Variants in TSPYL5 observed in about 807,000 individuals in gnomAD.
TSPYL5 encodes testis-specific Y-encoded-like protein 5.
For missense variants in TSPYL5, 556 were observed against 555.5 expected, an observed-to-expected ratio of 1.00 and a Z score of -0.01; for synonymous variants, 276 against 236.1, an observed-to-expected ratio of 1.17 and a Z score of -1.55.
At position 97,276,403 on chromosome 8, in the gene TSPYL5, T is replaced by C; in HGVS notation, c.*188A>G. On this transcript the variant is annotated 3_prime_UTR_variant, in exon 1 of 1. Transcript: ENST00000322128. ...AGTCCGGGTGCGATCACATAACATG[T>C]GACACTAACGTAGAAAAGCAAGAGG... 2 of 729,168 alleles carry C rather than the reference T, an allele frequency of 2.7e-6. No homozygotes were observed. The highest frequency in any genetic ancestry group is 2.3e-6 in the Non-Finnish European group (1 of 434,278). The allele number at this position is 729,168 out of a possible 1,614,324, so 45.2% of individuals were successfully genotyped here. A position where few individuals can be genotyped will look rare whatever the true frequency, so the allele number is the denominator to read the frequency against.
In TSPYL5 at chr8:97,277,715, G is replaced by C. The variant is rs758303862; in HGVS notation, c.130C>G (p.Leu44Val). Residue 44 changes from leucine (L) to valine (V), a missense_variant, in exon 1 of 1, where the codon CTC becomes GTC. Coordinates refer to ENST00000322128, the MANE Select transcript of TSPYL5 (RefSeq NM_033512.3). The surrounding 1 kb of genome is among the most constrained non-coding windows in gnomAD (Gnocchi z 4.5). ...RDPDPSQYQS[L>V]GEDTQAAQVQ... ...TGTGCCGCCTGGGTGTCTTCCCCGA[G>C]ACTCTGGTACTGTGAAGGGTCCGGG... is the stretch of plus-strand genomic sequence containing the variant. 1 of 1,562,098 alleles carries C rather than the reference G, an allele frequency of 6.4e-7. No homozygotes were observed. The highest frequency in any genetic ancestry group is 8.6e-7 in the Non-Finnish European group (1 of 1,157,862).
In TSPYL5 at chr8:97,277,851, G is replaced by A. The variant is rs777625111; in HGVS notation, c.-7C>T. ...CCCGACTTCGGCCGCTCATGGTGGC[G>A]GCGGAGGCAGCTTCAAAGACACGCT... On this transcript the variant is annotated 5_prime_UTR_variant, in exon 1 of 1. Transcript: ENST00000322128. The surrounding 1 kb of genome is among the most constrained non-coding windows in gnomAD (Gnocchi z 4.5). 4.9e-6 allele frequency: 7 copies of A among 1,431,014 alleles called. No individual in the cohort carries two copies. Among genetic ancestry groups the A allele is most frequent in the African/African-American group, 4.4e-5 (3 of 67,432 alleles). 88.6% of individuals were successfully genotyped at this position (1,431,014 alleles called of 1,614,324 possible).
Position 97,277,437 on chromosome 8 carries a change from G to A in TSPYL5, c.408C>T (p.Pro136=), listed in dbSNP as rs1271714550. The A allele has an allele frequency of 2.6e-6, 4 of 1,546,798 alleles. No individual in the cohort carries two copies. The highest frequency in any genetic ancestry group is 1.8e-4 in the Middle Eastern group (1 of 5,682). Residue 136 remains proline, a synonymous_variant, in exon 1 of 1, where the codon CCC becomes CCT. Coordinates refer to ENST00000322128, the MANE Select transcript of TSPYL5 (RefSeq NM_033512.3). This position sits in a 1 kb window ranked among gnomAD's most constrained non-coding sequence, Gnocchi z 4.5. Reference sequence around the variant, plus strand: ...CAGGGCCACGCCGGTTTCCAACGCGGGGGGCATTTTTCGGCCTTCCCACGG... The same window carrying A: ...CAGGGCCACGCCGGTTTCCAACGCGAGGGGCATTTTTCGGCCTTCCCACGG... The part of the protein sequence containing the change: ...AGTVGRPKNA[P]RVGNRRGPAG...
chr8:97,275,094 C>T lies in TSPYL5; in HGVS notation c.*1497G>A, dbSNP rs925002299. On this transcript the variant is annotated 3_prime_UTR_variant, in exon 1 of 1. Coordinates refer to ENST00000322128, the MANE Select transcript of TSPYL5 (RefSeq NM_033512.3). ...AACAAAGTCAAAACAAGAGTAAACACTAGTCTATGACATGGCTGCCTTGGG... is the reference window on the plus strand; with the variant it reads ...AACAAAGTCAAAACAAGAGTAAACATTAGTCTATGACATGGCTGCCTTGGG... 2.2e-4 allele frequency: 33 copies of T among 152,268 alleles called. No homozygotes were observed. The highest frequency in any genetic ancestry group is 7.0e-4 in the African/African-American group (29 of 41,394). 9.4% of individuals were successfully genotyped at this position (152,268 alleles called of 1,614,324 possible).
Position 97,274,960 on chromosome 8 carries a change from G to C in TSPYL5, c.*1631C>G, listed in dbSNP as rs972171672. 3.3e-5 allele frequency: 5 copies of C among 152,676 alleles called. No homozygotes were observed. Among genetic ancestry groups the C allele is most frequent in the African/African-American group, 1.2e-4 (5 of 41,444 alleles). 9.5% of individuals were successfully genotyped at this position (152,676 alleles called of 1,614,324 possible). The stretch of plus-strand genomic sequence containing the variant: ...GGGCTATTTGAGGTAGAAGCAAAGA[G>C]AGCAAAGGACTGCTGAAAGTGGGAA... On this transcript the variant is annotated 3_prime_UTR_variant, in exon 1 of 1. Transcript: ENST00000322128.
In TSPYL5 at chr8:97,277,371, C is replaced by G. The variant is rs1181807601; in HGVS notation, c.474G>C (p.Arg158Ser). ...TCCCACCAGCTATGACCTGAGGCCCCCTCCCCGCGGTGCTACAGGTTTCTG... is the reference window on the plus strand; with the variant it reads ...TCCCACCAGCTATGACCTGAGGCCCGCTCCCCGCGGTGCTACAGGTTTCTG... ...KAPETCSTAG[R>S]GPQVIAGGRQ... The change falls in exon 1 of 1, where the codon AGG becomes AGC. Residue 158 changes from arginine to serine, a missense_variant. Physicochemically the swap from Arg to Ser is moderately radical, Grantham distance 110 (BLOSUM62 -1). Coordinates refer to ENST00000322128, the MANE Select transcript of TSPYL5 (RefSeq NM_033512.3). This position sits in a 1 kb window ranked among gnomAD's most constrained non-coding sequence, Gnocchi z 4.5. The G allele has an allele frequency of 1.2e-6, 2 of 1,601,898 alleles. No homozygotes were observed. The highest frequency in any genetic ancestry group is 1.1e-5 in the South Asian group (1 of 89,144).
Position 97,277,532 on chromosome 8 carries a change from C to A in TSPYL5, c.313G>T (p.Gly105Cys). 1 of 1,495,744 alleles carries A rather than the reference C, an allele frequency of 6.7e-7. No homozygotes were observed. The highest frequency in any genetic ancestry group is 8.9e-7 in the Non-Finnish European group (1 of 1,127,272). 92.7% of individuals were successfully genotyped at this position (1,495,744 alleles called of 1,614,324 possible). The stretch of plus-strand genomic sequence containing the variant: ...GAGAGAGATGCGGCCTTCCCCGGGC[C>A]GGGCCTGGCCGCGGCCTGCCCGTGG... ...GDHGQAAARP[G>C]PGKAASLSER... Residue 105 changes from glycine to cysteine, a missense_variant, in exon 1 of 1, where the codon GGC (glycine) becomes TGC (cysteine). Coordinates refer to ENST00000322128, the MANE Select transcript of TSPYL5 (RefSeq NM_033512.3). This position sits in a 1 kb window ranked among gnomAD's most constrained non-coding sequence, Gnocchi z 4.5.
In TSPYL5 at chr8:97,274,549, A is replaced by G. The variant is rs1178143698; in HGVS notation, c.*2042T>C. On this transcript the variant is annotated 3_prime_UTR_variant, in exon 1 of 1. Coordinates refer to ENST00000322128, the MANE Select transcript of TSPYL5 (RefSeq NM_033512.3). Reference sequence around the variant, plus strand: ...GCTAGGGAGGTCCCTCCCATACTCTATCACTGAGAGACAGGCATGCTCCCC... The same window carrying G: ...GCTAGGGAGGTCCCTCCCATACTCTGTCACTGAGAGACAGGCATGCTCCCC... The G allele has an allele frequency of 6.6e-6, 1 of 152,028 alleles. No individual in the cohort carries two copies. Among genetic ancestry groups the G allele is most frequent in the Non-Finnish European group, 1.5e-5 (1 of 68,020 alleles). 9.4% of individuals were successfully genotyped at this position (152,028 alleles called of 1,614,324 possible).
rs754529364 is a variant in TSPYL5 at position 97,277,225 on chromosome 8, T to G, written c.620A>C (p.Asn207Thr). ...CATGTTCTCCAGCTTCAGCTGCACG[T>G]TCTCCAGCGTATCCATGCTGCCTTC... ...ATEGSMDTLE[N>T]VQLKLENMNA... Residue 207 changes from asparagine (N) to threonine (T), a missense_variant, in exon 1 of 1, where the codon AAC (asparagine) becomes ACC (threonine). Transcript: ENST00000322128. This position sits in a 1 kb window ranked among gnomAD's most constrained non-coding sequence, Gnocchi z 4.5. 8.7e-6 allele frequency: 14 copies of G among 1,613,566 alleles called. No individual in the cohort carries two copies. Among genetic ancestry groups the G allele is most frequent in the Non-Finnish European group, 1.2e-5 (14 of 1,180,022 alleles).
chr8:97,277,014 T>C lies in TSPYL5; in HGVS notation c.831A>G (p.Leu277=), dbSNP rs1307032785. The change falls in exon 1 of 1, where the codon TTA becomes TTG. Residue 277 remains leucine, a synonymous_variant. Coordinates refer to ENST00000322128, the MANE Select transcript of TSPYL5 (RefSeq NM_033512.3). The surrounding 1 kb of genome is among the most constrained non-coding windows in gnomAD (Gnocchi z 4.5). ...CGAGCTCTTCCACTTCCAAGCTGTTTAAGTAGCTCAGTACCTCTTTCTCTT... is the reference window on the plus strand; with the variant it reads ...CGAGCTCTTCCACTTCCAAGCTGTTCAAGTAGCTCAGTACCTCTTTCTCTT... ...NSQEKEVLSY[L]NSLEVEELGL... The C allele has an allele frequency of 6.2e-7, 1 of 1,614,224 alleles. No homozygotes were observed. Among genetic ancestry groups the C allele is most frequent in the Non-Finnish European group, 8.5e-7 (1 of 1,180,038 alleles).
Position 97,274,008 on chromosome 8 carries a change from T to A in TSPYL5, c.*2583A>T, listed in dbSNP as rs1810470977. The A allele has an allele frequency of 6.6e-6, 1 of 152,154 alleles. No individual in the cohort carries two copies. The highest frequency in any genetic ancestry group is 2.1e-4 in the South Asian group (1 of 4,830). 9.4% of individuals were successfully genotyped at this position (152,154 alleles called of 1,614,324 possible). A position where few individuals can be genotyped will look rare whatever the true frequency, so the allele number is the denominator to read the frequency against. On this transcript the variant is annotated 3_prime_UTR_variant, in exon 1 of 1. Transcript: ENST00000322128. ...ATAGTGCACCCCATCACTATCACCA[T>A]CAAAAGAGACTACCAATCTCCCAAA...
chr8:97,276,298 G>T lies in TSPYL5; in HGVS notation c.*293C>A. 2.9e-6 allele frequency: 1 copy of T among 349,032 alleles called. No individual in the cohort carries two copies. The highest frequency in any genetic ancestry group is 5.2e-6 in the Non-Finnish European group (1 of 193,294). The allele number at this position is 349,032 out of a possible 1,614,324, so 21.6% of individuals were successfully genotyped here. A position where few individuals can be genotyped will look rare whatever the true frequency, so the allele number is the denominator to read the frequency against. ...GTCCATGTTAAAGACAAGTAGGAAA[G>T]GCCAGAGCCAAGAACAAGGTCCAGG... is the stretch of plus-strand genomic sequence containing the variant. On this transcript the variant is annotated 3_prime_UTR_variant, in exon 1 of 1. Transcript: ENST00000322128.
In TSPYL5 at chr8:97,275,058, G is replaced by C. The variant is rs913594186; in HGVS notation, c.*1533C>G. The C allele has an allele frequency of 6.6e-6, 1 of 152,564 alleles. No homozygotes were observed. The highest frequency in any genetic ancestry group is 1.5e-5 in the Non-Finnish European group (1 of 68,076). 9.5% of individuals were successfully genotyped at this position (152,564 alleles called of 1,614,324 possible). A position where few individuals can be genotyped will look rare whatever the true frequency, so the allele number is the denominator to read the frequency against. ...AACAGCAGGAGGCACTTGGGTCTTA[G>C]GAAGCATTAAAACAAAGTCAAAACA... On this transcript the variant is annotated 3_prime_UTR_variant, in exon 1 of 1. Transcript: ENST00000322128.
In TSPYL5 at chr8:97,277,911, G is replaced by A. The variant is rs559885528; in HGVS notation, c.-67C>T. On this transcript the variant is annotated 5_prime_UTR_variant, in exon 1 of 1. Coordinates refer to ENST00000322128, the MANE Select transcript of TSPYL5 (RefSeq NM_033512.3). The surrounding 1 kb of genome is among the most constrained non-coding windows in gnomAD (Gnocchi z 4.5). Reference sequence around the variant, plus strand: ...CGGCTCCTGACGCCAGCTCTCGGTCGGGACCGAGCGGGTCTCTCCACGGCA... The same window carrying A: ...CGGCTCCTGACGCCAGCTCTCGGTCAGGACCGAGCGGGTCTCTCCACGGCA... The A allele has an allele frequency of 2.7e-5, 36 of 1,312,892 alleles. No individual in the cohort carries two copies. Among genetic ancestry groups the A allele is most frequent in the African/African-American group, 1.8e-4 (12 of 65,080 alleles). 81.3% of individuals were successfully genotyped at this position (1,312,892 alleles called of 1,614,324 possible).
Position 97,277,829 on chromosome 8 carries a change from G to T in TSPYL5, c.16C>A (p.Arg6=). The change falls in exon 1 of 1, where the codon CGG becomes AGG. Residue 6 remains arginine, a synonymous_variant. Transcript: ENST00000322128. The surrounding 1 kb of genome is among the most constrained non-coding windows in gnomAD (Gnocchi z 4.5). ...TTGGCGCGGGAGGACTTTCGACCCC[G>T]ACTTCGGCCGCTCATGGTGGCGGCG... MSGRS[R]GRKSSRAKNR... is the part of the protein sequence containing the mutation. 1 of 1,452,822 alleles carries T rather than the reference G, an allele frequency of 6.9e-7. No homozygotes were observed. Among genetic ancestry groups the T allele is most frequent in the Non-Finnish European group, 9.0e-7 (1 of 1,106,310 alleles). 90.0% of individuals were successfully genotyped at this position (1,452,822 alleles called of 1,614,324 possible).
In TSPYL5 at chr8:97,277,656, T is replaced by C. The variant is rs774870933; in HGVS notation, c.189A>G (p.Glu63=). 1.4e-6 allele frequency: 2 copies of C among 1,474,412 alleles called. No individual in the cohort carries two copies. The highest frequency in any genetic ancestry group is 9.0e-7 in the Non-Finnish European group (1 of 1,116,922). The allele number at this position is 1,474,412 out of a possible 1,614,324, so 91.3% of individuals were successfully genotyped here. The change falls in exon 1 of 1, where the codon GAA becomes GAG. Residue 63 remains glutamate, a synonymous_variant. Transcript: ENST00000322128. The surrounding 1 kb of genome is among the most constrained non-coding windows in gnomAD (Gnocchi z 4.5). The part of the protein sequence containing the change: ...VQAGAGWGGL[E]AAASAQLLRL... ...GGAGGAGCTGCGCGGACGCAGCGGC[T>C]TCCAGGCCACCCCACCCCGCGCCAG...
rs1181395657 is a variant in TSPYL5, at chr8:97,277,238, C to G, written c.607G>C (p.Asp203His). Reference protein sequence around the residue: ...SGPPATEGSMDTLENVQLKLE... With the variant: ...SGPPATEGSMHTLENVQLKLE... ...TTCAGCTGCACGTTCTCCAGCGTAT[C>G]CATGCTGCCTTCCGTCGCTGGGGGC... The change falls in exon 1 of 1, where the codon GAT (aspartate) becomes CAT (histidine). Residue 203 changes from aspartate to histidine, a missense_variant. Coordinates refer to ENST00000322128, the MANE Select transcript of TSPYL5 (RefSeq NM_033512.3). This position sits in a 1 kb window ranked among gnomAD's most constrained non-coding sequence, Gnocchi z 4.5. 5 of 1,613,806 alleles carry G rather than the reference C, an allele frequency of 3.1e-6. No individual in the cohort carries two copies. The South Asian group carries it at 3.3e-5, about 11-fold the overall frequency.
Position 97,276,802 on chromosome 8 carries a change from C to G in TSPYL5, c.1043G>C (p.Arg348Pro), listed in dbSNP as rs762464901. Reference sequence around the variant, plus strand: ...GTTTGAAAACCACCCAAAGAAACTACGGTTGTTTTCTGGGTTTCCCTGGCT... The same window carrying G: ...GTTTGAAAACCACCCAAAGAAACTAGGGTTGTTTTCTGGGTTTCCCTGGCT... ...SLSQGNPENN[R>P]SFFGWFSNHS... Residue 348 changes from arginine (R) to proline (P), a missense_variant, in exon 1 of 1, where the codon CGT (arginine) becomes CCT (proline). Transcript: ENST00000322128. The G allele has an allele frequency of 6.2e-7, 1 of 1,614,038 alleles. No individual in the cohort carries two copies. Among genetic ancestry groups the G allele is most frequent in the Non-Finnish European group, 8.5e-7 (1 of 1,180,038 alleles).
chr8:97,277,241 T>G lies in TSPYL5; in HGVS notation c.604A>C (p.Met202Leu), dbSNP rs749823659. ...GSGPPATEGS[M>L]DTLENVQLKL... is the part of the protein sequence containing the mutation. ...AGCTGCACGTTCTCCAGCGTATCCA[T>G]GCTGCCTTCCGTCGCTGGGGGCCCC... The change falls in exon 1 of 1, where the codon ATG (methionine) becomes CTG (leucine). Residue 202 changes from methionine (M) to leucine (L), a missense_variant. Coordinates refer to ENST00000322128, the MANE Select transcript of TSPYL5 (RefSeq NM_033512.3). The surrounding 1 kb of genome is among the most constrained non-coding windows in gnomAD (Gnocchi z 4.5). 1 of 1,613,908 alleles carries G rather than the reference T, an allele frequency of 6.2e-7. No homozygotes were observed. Among genetic ancestry groups the G allele is most frequent in the Non-Finnish European group, 8.5e-7 (1 of 1,180,008 alleles).
Sources: gnomAD v4.1 joint callset for allele counts on GRCh38, gnomAD v4.1.1 for gene constraint, Gnocchi (gnomAD v3.1) non-coding constraint, MANE v1.5 for transcripts, NCBI Gene and HGNC (gene_info 2026-07-23, HGNC 2026-07-21) for gene names.